The following PPP2R3A variants were observed in gnomAD, a reference collection of about 807,000 sequenced individuals.
The protein encoded by PPP2R3A is protein phosphatase 2 regulatory subunit B''alpha.
In PPP2R3A, 80 loss-of-function variants were observed where a neutral mutation model predicts 106.9. The observed-to-expected ratio is 0.75, with a 90% CI of 0.62 to 0.90. The LOEUF (loss-of-function observed/expected upper bound fraction) is 0.90, where lower values mean the gene tolerates loss of function less well. Ranked by LOEUF, PPP2R3A falls within the 40% of genes least tolerant of loss-of-function variation. The pLI, the probability that PPP2R3A is intolerant of heterozygous loss-of-function variation, is 0.00. For missense variants in PPP2R3A, 1,386 were observed against 1,350.4 expected, an observed-to-expected ratio of 1.03 and a Z score of -0.41; for synonymous variants, 483 against 468.3, an observed-to-expected ratio of 1.03 and a Z score of -0.41.
chr3:136,003,390 C>T lies in PPP2R3A; in HGVS notation c.1892C>T (p.Thr631Ile). 1 of 1,613,984 alleles carries T rather than the reference C, an allele frequency of 6.2e-7. No homozygotes were observed. The change falls in exon 2 of 14, where the codon ACT (threonine) becomes ATT (isoleucine). Residue 631 changes from threonine to isoleucine, a missense_variant. Transcript: ENST00000264977. ...CAAATTCTACAGGAAACCTTGACAACTTCCTCCCAGGCCAATTTATCAGTC... is the reference window on the plus strand; with the variant it reads ...CAAATTCTACAGGAAACCTTGACAATTTCCTCCCAGGCCAATTTATCAGTC... ...MMQILQETLT[T>I]SSQANLSVCR...
At chr3:136,063,839 C>G (rs1936165902) in intron 5 of PPP2R3A, among the ~76,000 whole-genome samples, 1 of 150,076 alleles carries the variant, frequency 6.7e-6, no homozygotes, top group Non-Finnish European at 1.5e-5. Flanking sequence ...CTAGTTCAAC[C>G]ATTGTGGAAG....
intron 13 of PPP2R3A, among the ~76,000 whole-genome samples, chr3:136,124,881 A>G (rs1364388094): frequency 2.0e-5 from 3 of 152,214 alleles, no homozygotes; most frequent in Non-Finnish European, 2.9e-5. Context: ...ACTTTATCCA[A>G]ATTTCACACC....
intron 4 of PPP2R3A, among the ~76,000 whole-genome samples, chr3:136,041,673 A>T (rs1559884531): frequency 1.3e-5 from 2 of 151,944 alleles, no homozygotes; most frequent in African/African-American, 2.4e-5. Context: ...TCATTCCCAT[A>T]GATCCAATTT....
At chr3:136,039,883 A>T (rs1042569419) in intron 3 of PPP2R3A, among the ~76,000 whole-genome samples, 1 of 152,154 alleles carries the variant, frequency 6.6e-6, no homozygotes, top group East Asian at 1.9e-4. Flanking sequence ...CTTTTTATCG[A>T]GAAAAATCAA....
At chr3:136,019,898 C>T (rs1228511094) in intron 2 of PPP2R3A, among the ~76,000 whole-genome samples, 1 of 152,094 alleles carries the variant, frequency 6.6e-6, no homozygotes, top group Admixed American at 6.5e-5. Context: ...AACAACAGGG[C>T]AGGCTTTTAA....
At position 136,022,742 on chromosome 3, in the gene PPP2R3A, A is replaced by G. The variant is rs561383564; in HGVS notation, c.1996-4090A>G. ...CAGAGTAGTGGGTGCTCCCTTTCCC[A>G]GAAGGCTCCATATTCTCAACATGTG... is the stretch of plus-strand genomic sequence containing the variant. On this transcript the variant is annotated intron_variant, in intron 2 of 13. Transcript: ENST00000264977. 393 of 1,095,338 alleles carry G rather than the reference A, an allele frequency of 3.6e-4. 1 individual carries two copies. Among genetic ancestry groups the G allele is most frequent in the Middle Eastern group, 4.1e-4 (1 of 2,424 alleles). 67.9% of individuals were successfully genotyped at this position (1,095,338 alleles called of 1,614,324 possible).
intron 2 of PPP2R3A, chr3:136,022,764 T>C (rs1044658953): frequency 2.6e-6 from 3 of 1,136,468 alleles, no homozygotes; most frequent in African/African-American, 3.3e-5. Flanking sequence ...ATTCTCAACA[T>C]GTGCAGGTCA....
chr3:136,096,932 G>A (rs773872211), intron 10 of PPP2R3A, among the ~76,000 whole-genome samples: 1 of 152,202 alleles, frequency 6.6e-6, no homozygotes, highest in Non-Finnish European at 1.5e-5. Flanking sequence ...TCATGTCACT[G>A]CACTCCAGCC....
At chr3:136,098,660 A>G (rs946187373) in intron 10 of PPP2R3A, among the ~76,000 whole-genome samples, 5 of 152,206 alleles carry the variant, frequency 3.3e-5, no homozygotes, top group Non-Finnish European at 7.3e-5. Context: ...CATAAAGGAA[A>G]TGAGAAATAA....
intron 2 of PPP2R3A, among the ~76,000 whole-genome samples, chr3:136,013,944 G>A (rs1444790401): frequency 1.3e-5 from 2 of 152,134 alleles, no homozygotes; most frequent in African/African-American, 2.4e-5. Context: ...TTTTTCCGAT[G>A]TTGTCTTCTA....
intron 1 of PPP2R3A, among the ~76,000 whole-genome samples, chr3:135,985,019 A>G (rs994817797): frequency 4.6e-5 from 7 of 152,098 alleles, no homozygotes; most frequent in Admixed American, 6.6e-5. Flanking sequence ...CCATGATTCA[A>G]TCATCTTCCA....
chr3:136,115,423 T>C (rs966194537), intron 13 of PPP2R3A, among the ~76,000 whole-genome samples: 12 of 151,918 alleles, frequency 7.9e-5, no homozygotes, highest in African/African-American at 2.9e-4. Flanking sequence ...GAAGTAGGCT[T>C]CAGAAGGTGG....
intron 1 of PPP2R3A, among the ~76,000 whole-genome samples, chr3:135,971,428 C>G (rs1937243598): frequency 2.0e-5 from 3 of 152,168 alleles, no homozygotes; most frequent in Admixed American, 2.0e-4. Context: ...CAACCTTAAC[C>G]TAGCAGAGAG....
intron 13 of PPP2R3A, among the ~76,000 whole-genome samples, chr3:136,129,302 C>A (rs1370259313): frequency 1.3e-5 from 2 of 151,742 alleles, no homozygotes; most frequent in Admixed American, 6.6e-5. Context: ...AGAGAAGAAT[C>A]AAATAGATGC....
At chr3:136,011,986 CACACACAT>C (rs1453563709) in intron 2 of PPP2R3A, among the ~76,000 whole-genome samples, 3 of 130,508 alleles carry the variant, frequency 2.3e-5, no homozygotes, top group African/African-American at 1.1e-4. Flanking sequence ...CACACACACA[CACACACAT>C]ACACACACAC....
chr3:136,140,991 C>T lies in PPP2R3A; in HGVS notation c.3330-4052C>T, dbSNP rs79386029. 1.7e-3 allele frequency among the ~76,000 whole-genome samples: 257 copies of T among 152,356 alleles called. 8 individuals carry two copies. The East Asian group carries it at 0.046, about 28-fold the overall frequency. ...CTCCAATCCTGTCCCGGCAACTCTA[C>T]ACATTGTTTCACAAGAGCATTAGGA... On this transcript the variant is annotated intron_variant, in intron 13 of 13. Transcript: ENST00000264977.
chr3:136,139,627 A>G (rs1314771713), intron 13 of PPP2R3A, among the ~76,000 whole-genome samples: 1 of 146,464 alleles, frequency 6.8e-6, no homozygotes, highest in Non-Finnish European at 1.5e-5. Flanking sequence ...TCGGAGGCAG[A>G]GGTTGCAGTG....
At chr3:136,048,078 A>G (rs1278182693) in intron 4 of PPP2R3A, among the ~76,000 whole-genome samples, 3 of 152,126 alleles carry the variant, frequency 2.0e-5, no homozygotes, top group Non-Finnish European at 4.4e-5. Context: ...ACAAACCCGT[A>G]CATGTACCCC....
chr3:136,004,938 A>C (rs1933790197), intron 2 of PPP2R3A, among the ~76,000 whole-genome samples: 1 of 152,212 alleles, frequency 6.6e-6, no homozygotes, highest in South Asian at 2.1e-4. Flanking sequence ...CCAAGTTAAA[A>C]TACAAGTTAC....
Sources: allele counts gnomAD v4.1 joint callset (sites outside exome capture counted in the v4.1 genomes callset), GRCh38; gene constraint gnomAD v4.1.1; transcripts MANE v1.5; gene names NCBI Gene and HGNC (gene_info 2026-07-23, HGNC 2026-07-21).